The following CTIF variants were observed in gnomAD, a reference collection of about 807,000 sequenced individuals.
CTIF encodes the protein CBP80/20-dependent translation initiation factor.
A neutral mutation model predicts 66.0 loss-of-function variants in CTIF; 21 were observed. That is an observed-to-expected ratio of 0.32 (90% CI 0.23 to 0.46). CTIF has a LOEUF of 0.46. CTIF is among the 20% of genes least tolerant of loss of function. CTIF has a pLI of 1.00. For synonymous variants in CTIF, 345 were observed against 326.4 expected, an observed-to-expected ratio of 1.06 and a Z score of -0.62; for missense variants, 739 against 812.7, an observed-to-expected ratio of 0.91 and a Z score of 1.10.
chr18:48,851,864 A>AT (rs577429312), intron 10 of CTIF, among the ~76,000 whole-genome samples: 6 of 152,024 alleles, frequency 3.9e-5, no homozygotes, highest in African/African-American at 7.2e-5. Context: ...TCTACCAGCA[A>AT]TTTTTATTTT....
At chr18:48,638,712 G>T (rs1320854634) in intron 3 of CTIF, among the ~76,000 whole-genome samples, 1 of 152,272 alleles carries the variant, frequency 6.6e-6, no homozygotes, top group Non-Finnish European at 1.5e-5. Flanking sequence ...CAGCTGAGCA[G>T]TTGACTCGGG....
intron 3 of CTIF, among the ~76,000 whole-genome samples, chr18:48,645,101 A>G (rs1013201149): frequency 4.1e-4 from 62 of 152,146 alleles, no homozygotes; most frequent in African/African-American, 1.4e-3. Flanking sequence ...TGCTAAATAC[A>G]ACTAAAAACC....
At chr18:48,850,931 G>A (rs17766313) in intron 10 of CTIF, among the ~76,000 whole-genome samples, 8,315 of 152,334 alleles carry the variant, frequency 0.055, 330 homozygotes, top group South Asian at 0.21. Context: ...TGCTCTCTGC[G>A]TTCCAGCAAC....
intron 6 of CTIF, among the ~76,000 whole-genome samples, chr18:48,710,311 C>T (rs1030787836): frequency 6.6e-6 from 1 of 152,212 alleles, no homozygotes; most frequent in Non-Finnish European, 1.5e-5. Flanking sequence ...CAGCCTGGAC[C>T]CTGTGGCTCC....
intron 1 of CTIF, among the ~76,000 whole-genome samples, chr18:48,577,929 T>C (rs1461168267): frequency 6.6e-6 from 1 of 152,064 alleles, no homozygotes; most frequent in Non-Finnish European, 1.5e-5. Context: ...CAACACTATC[T>C]AACCCCAGGA....
At chr18:48,586,443 A>G (rs544198532) in intron 1 of CTIF, among the ~76,000 whole-genome samples, 2 of 151,392 alleles carry the variant, frequency 1.3e-5, no homozygotes, top group Non-Finnish European at 2.9e-5. Flanking sequence ...GCTAATTTTC[A>G]TATCTTTAGT....
At chr18:48,624,108 C>T (rs1420861232) in intron 2 of CTIF, among the ~76,000 whole-genome samples, 2 of 137,446 alleles carry the variant, frequency 1.5e-5, no homozygotes, top group African/African-American at 5.7e-5. Context: ...ATGCTTGACA[C>T]CACACCCCTC....
At chr18:48,858,256 G>A (rs2069375167) in intron 11 of CTIF, among the ~76,000 whole-genome samples, 1 of 152,262 alleles carries the variant, frequency 6.6e-6, no homozygotes, top group Non-Finnish European at 1.5e-5. Context: ...GCATACTCAG[G>A]TGGCTTCCGC....
intron 7 of CTIF, among the ~76,000 whole-genome samples, chr18:48,733,669 A>G (rs2092474778): frequency 6.6e-6 from 1 of 152,162 alleles, no homozygotes; most frequent in Non-Finnish European, 1.5e-5. Context: ...TATTGAGGAG[A>G]AGGAGGAAAA....
chr18:48,569,507 T>G (rs1490001284), intron 1 of CTIF, among the ~76,000 whole-genome samples: 1 of 152,078 alleles, frequency 6.6e-6, no homozygotes. Flanking sequence ...TCAAAAAATT[T>G]CTATTAACTT....
At chr18:48,556,983 A>G (rs116845072) in intron 1 of CTIF, among the ~76,000 whole-genome samples, 4,867 of 152,238 alleles carry the variant, frequency 0.032, 118 homozygotes, top group Middle Eastern at 0.065. Flanking sequence ...GAACTAATAT[A>G]TGTTATACAC....
intron 2 of CTIF, among the ~76,000 whole-genome samples, chr18:48,625,029 G>A (rs2090569531): frequency 1.3e-5 from 2 of 152,112 alleles, no homozygotes; most frequent in Non-Finnish European, 2.9e-5. Flanking sequence ...TGTTCAGATC[G>A]GCTCAATGGC....
chr18:48,817,031 G>C (rs1335683653), intron 9 of CTIF, among the ~76,000 whole-genome samples, 190 bp from the exon 10 acceptor site: 1 of 152,160 alleles, frequency 6.6e-6, no homozygotes, highest in Non-Finnish European at 1.5e-5. Flanking sequence ...AAGAAGAGGT[G>C]TTATGGCCCC....
intron 3 of CTIF, 68 bp from the exon 4 acceptor site, chr18:48,663,684 C>A (rs938607759): frequency 2.1e-6 from 3 of 1,459,154 alleles, no homozygotes; most frequent in South Asian, 1.1e-5. Flanking sequence ...CCCTCAGGCC[C>A]TGGCCCCGTG....
chr18:48,588,895 TC>T (rs2089829183), intron 1 of CTIF, among the ~76,000 whole-genome samples: 1 of 152,092 alleles, frequency 6.6e-6, no homozygotes, highest in Non-Finnish European at 1.5e-5. Flanking sequence ...TTCTGCCACC[TC>T]CTCAGCCACA....
At chr18:48,648,481 ACACACACG>A (rs1568103107) in intron 3 of CTIF, among the ~76,000 whole-genome samples, 1 of 150,824 alleles carries the variant, frequency 6.6e-6, no homozygotes, top group Non-Finnish European at 1.5e-5. Context: ...ACACACACAC[ACACACACG>A]CACACACACA....
Position 48,769,725 on chromosome 18 carries a change from G to A in CTIF, c.1371+8036G>A, listed in dbSNP as rs560619755. 6.1e-4 allele frequency among the ~76,000 whole-genome samples: 93 copies of A among 152,328 alleles called. 2 individuals are homozygous for A. The highest frequency in any genetic ancestry group is 1.2e-3 in the Non-Finnish European group (81 of 68,030). ...ACAGTGGATAGGAGCCGTGTGCCTC[G>A]TTGCCAATCTTGTTGTCTGCACTTG... On this transcript the variant is annotated intron_variant, in intron 9 of 11. Coordinates refer to ENST00000256413, the MANE Select transcript of CTIF (RefSeq NM_014772.3).
chr18:48,797,372 C>T (rs1376464778), intron 9 of CTIF, among the ~76,000 whole-genome samples: 1 of 151,884 alleles, frequency 6.6e-6, no homozygotes, highest in Non-Finnish European at 1.5e-5. Flanking sequence ...AATGCCAGCT[C>T]CTTGGGAGGC....
intron 9 of CTIF, among the ~76,000 whole-genome samples, chr18:48,805,009 G>A (rs2068116071): frequency 1.3e-5 from 2 of 152,180 alleles, no homozygotes; most frequent in Non-Finnish European, 2.9e-5. Flanking sequence ...AACTTGAGGT[G>A]GCTTAACATT....
Sources: gnomAD v4.1 joint callset for allele counts (sites outside exome capture counted in the v4.1 genomes callset) on GRCh38, gnomAD v4.1.1 for gene constraint, MANE v1.5 for transcripts, NCBI Gene and HGNC (gene_info 2026-07-23, HGNC 2026-07-21) for gene names.